Variants in ALS2 observed in about 807,000 individuals in gnomAD.
ALS2 encodes the protein alsin.
A neutral mutation model predicts 203.4 loss-of-function variants in ALS2; 117 were observed. That is an observed-to-expected ratio of 0.58 (90% CI 0.50 to 0.67). The LOEUF (loss-of-function observed/expected upper bound fraction) is 0.67, where lower values mean the gene tolerates loss of function less well. Ranked by LOEUF, ALS2 falls within the 30% of genes least tolerant of loss-of-function variation. The pLI, the probability that ALS2 is intolerant of heterozygous loss-of-function variation, is 0.00. For synonymous variants in ALS2, 718 were observed against 725.9 expected, an observed-to-expected ratio of 0.99 and a Z score of 0.17; for missense variants, 1,715 against 1,989.4, an observed-to-expected ratio of 0.86 and a Z score of 2.62.
At chr2:201,759,404 T>C (rs549687924) in intron 4 of ALS2, 2 of 956,476 alleles carry the variant, frequency 2.1e-6, no homozygotes, top group South Asian at 9.7e-5. Context: ...AGCTGTATGA[T>C]TGAGATGTTA....
intron 19 of ALS2, 152 bp downstream of exon 19, chr2:201,726,332 C>T: frequency 1.3e-6 from 1 of 759,342 alleles, no homozygotes; most frequent in Non-Finnish European, 2.3e-6. Flanking sequence ...ACCCCTCACT[C>T]CTGGCTCTCT....
chr2:201,766,938 G>A (rs1295857537), intron 3 of ALS2, among the ~76,000 whole-genome samples: 1 of 147,074 alleles, frequency 6.8e-6, no homozygotes, highest in Non-Finnish European at 1.5e-5. Context: ...ACTGGGGCCT[G>A]TTGTGGGGTG....
intron 1 of ALS2, among the ~76,000 whole-genome samples, chr2:201,770,952 T>G (rs1378331971): frequency 6.6e-6 from 1 of 152,196 alleles, no homozygotes; most frequent in African/African-American, 2.4e-5. Context: ...TGTGTTATTT[T>G]AAGCCACTAA....
At chr2:201,722,946 G>A in intron 23 of ALS2, 97 bp downstream of exon 23, 1 of 986,446 alleles carries the variant, frequency 1.0e-6, no homozygotes, top group Non-Finnish European at 1.5e-6. Flanking sequence ...CTTGAAAGGG[G>A]TGAATTTTAT....
Position 201,715,680 on chromosome 2 carries a change from G to T in ALS2, c.3996C>A (p.His1332Gln), listed in dbSNP as rs1311121583. The part of the protein sequence containing the change: ...AVALTTSRRQ[H>Q]RDSPEILSRS... ...AGCAGGTGTTCACTCACCTGTCTCT[G>T]TGCTGGCGCCGACTGGTGGTCAAGG... The change falls in exon 25 of 34, where the codon CAC (histidine) becomes CAA (glutamine). Residue 1332 changes from histidine (H) to glutamine (Q), a missense_variant. Physicochemically the swap from His to Gln is conservative, Grantham distance 24. This residue lies in a region of ALS2 where 1,227 missense variants were observed against 1,413.5 expected (regional missense o/e 0.87). Coordinates refer to ENST00000264276, the MANE Select transcript of ALS2 (RefSeq NM_020919.4). 1 of 1,614,172 alleles carries T rather than the reference G, an allele frequency of 6.2e-7. No individual in the cohort carries two copies. The highest frequency in any genetic ancestry group is 2.2e-5 in the East Asian group (1 of 44,866).
At chr2:201,758,457 T>G (rs1477088985) in intron 4 of ALS2, among the ~76,000 whole-genome samples, 1 of 152,138 alleles carries the variant, frequency 6.6e-6, no homozygotes, top group Non-Finnish European at 1.5e-5. Context: ...GGTTAATAAT[T>G]AAACATTTGG....
chr2:201,724,638 T>C (rs1000785528), intron 20 of ALS2, among the ~76,000 whole-genome samples, 179 bp from the exon 21 acceptor site: 12 of 152,182 alleles, frequency 7.9e-5, no homozygotes, highest in Non-Finnish European at 1.6e-4. Context: ...AGTTAAAAAG[T>C]TAAAGACACC....
At position 201,761,049 on chromosome 2, in the gene ALS2, G is replaced by T. The variant is rs770056959; in HGVS notation, c.945C>A (p.Ser315Arg). 6.2e-7 allele frequency: 1 copy of T among 1,614,142 alleles called. No individual in the cohort carries two copies. Among genetic ancestry groups the T allele is most frequent in the African/African-American group, 1.3e-5 (1 of 75,024 alleles). Reference sequence around the variant, plus strand: ...CATTTTGTTGAGAGGACATGGCATCGCTGCTTGTGATCTGAGCACTTACTG... The same window carrying T: ...CATTTTGTTGAGAGGACATGGCATCTCTGCTTGTGATCTGAGCACTTACTG... ...LNAVSAQITS[S>R]DAMSSQQNVM... The change falls in exon 4 of 34, where the codon AGC becomes AGA. Residue 315 changes from serine to arginine, a missense_variant. Around this residue, in one of 3 missense-constraint regions of ALS2, gnomAD observed 476 missense variants for 539.3 expected, o/e 0.88. Coordinates refer to ENST00000264276, the MANE Select transcript of ALS2 (RefSeq NM_020919.4).
intron 21 of ALS2, among the ~76,000 whole-genome samples, chr2:201,724,074 C>T (rs374355924): frequency 7.1e-4 from 108 of 152,150 alleles, no homozygotes; most frequent in African/African-American, 2.5e-3. Flanking sequence ...GCTGAGATCG[C>T]ACCACTCCAG....
intron 25 of ALS2, among the ~76,000 whole-genome samples, chr2:201,712,753 GAAAA>G (rs372321027): frequency 1.1e-5 from 1 of 90,686 alleles, no homozygotes; most frequent in African/African-American, 3.4e-5. Flanking sequence ...CAGGAGAAAA[GAAAA>G]AAAAAAAGAA....
rs779339166 is a variant in ALS2 at position 201,724,418 on chromosome 2, T to G, written c.3389A>C (p.Asn1130Thr). Reference sequence around the variant, plus strand: ...TAGAAGACCATGACCATGACGCATATTATCTTGAAAACAGCCCTCAAATAC... The same window carrying G: ...TAGAAGACCATGACCATGACGCATAGTATCTTGAAAACAGCCCTCAAATAC... ...GEVFEGCFQD[N>T]MRHGHGLLRS... Residue 1130 changes from asparagine (N) to threonine (T), a missense_variant, in exon 21 of 34, where the codon AAT becomes ACT. This residue lies in a region of ALS2 where 1,227 missense variants were observed against 1,413.5 expected (regional missense o/e 0.87). Coordinates refer to ENST00000264276, the MANE Select transcript of ALS2 (RefSeq NM_020919.4). The G allele has an allele frequency of 6.2e-7, 1 of 1,614,056 alleles. No individual in the cohort carries two copies. The highest frequency in any genetic ancestry group is 1.7e-5 in the Admixed American group (1 of 60,018).
In ALS2 at chr2:201,761,110, A is replaced by G. The variant is rs762475132; in HGVS notation, c.884T>C (p.Val295Ala). The change falls in exon 4 of 34, where the codon GTA becomes GCA. Residue 295 changes from valine to alanine, a missense_variant. By Grantham distance (64) the Val-to-Ala change is moderately conservative (BLOSUM62 0). This residue lies in a region of ALS2 where 476 missense variants were observed against 539.3 expected (regional missense o/e 0.88). Transcript: ENST00000264276. Reference sequence around the variant, plus strand: ...AGTAGCAACAGACTGATCATTTGCTACAAGAGTGTTCTCAAATACTTCTTC... The same window carrying G: ...AGTAGCAACAGACTGATCATTTGCTGCAAGAGTGTTCTCAAATACTTCTTC... Reference protein sequence around the residue: ...RQEEVFENTLVANDQSVATEL... With the variant: ...RQEEVFENTLAANDQSVATEL... 3 of 1,614,114 alleles carry G rather than the reference A, an allele frequency of 1.9e-6. No individual in the cohort carries two copies. The highest frequency in any genetic ancestry group is 2.7e-5 in the African/African-American group (2 of 74,930).
chr2:201,744,207 G>C (rs376815789), intron 10 of ALS2, 51 bp downstream of exon 10: 1 of 1,551,640 alleles, frequency 6.4e-7, no homozygotes, highest in African/African-American at 1.4e-5. Context: ...ATAGGAAGAA[G>C]AGATAAAGAC....
At chr2:201,772,663 T>A (rs1026607136) in intron 1 of ALS2, among the ~76,000 whole-genome samples, 2 of 151,916 alleles carry the variant, frequency 1.3e-5, no homozygotes, top group South Asian at 4.2e-4. Context: ...GCCCCAAGGG[T>A]TTTGAATAAA....
intron 3 of ALS2, among the ~76,000 whole-genome samples, chr2:201,765,995 G>A (rs1434789533): frequency 2.0e-5 from 3 of 152,092 alleles, no homozygotes; most frequent in Non-Finnish European, 4.4e-5. Flanking sequence ...AATAATAGAA[G>A]CTACCTCATA....
chr2:201,778,109 T>C (rs1049258933), intron 1 of ALS2, among the ~76,000 whole-genome samples: 2 of 152,108 alleles, frequency 1.3e-5, no homozygotes, highest in African/African-American at 4.8e-5. Context: ...CTGGAGTGAA[T>C]GTTAGCCCAC....
intron 33 of ALS2, among the ~76,000 whole-genome samples, chr2:201,703,019 G>A (rs191321112): frequency 3.7e-4 from 57 of 152,262 alleles, no homozygotes; most frequent in Non-Finnish European, 6.6e-4. Context: ...GGGAGGCTGA[G>A]GCAGCAGAAT....
intron 8 of ALS2, among the ~76,000 whole-genome samples, chr2:201,748,114 C>T (rs1335744639): frequency 6.6e-6 from 1 of 152,132 alleles, no homozygotes; most frequent in Admixed American, 6.5e-5. Flanking sequence ...ATAGTTTCAG[C>T]ACTGACTCCT....
Position 201,738,656 on chromosome 2 carries a change from G to C in ALS2, c.2417+14C>G. The C allele has an allele frequency of 6.2e-7, 1 of 1,611,106 alleles. No individual in the cohort carries two copies. Among genetic ancestry groups the C allele is most frequent in the South Asian group, 1.1e-5 (1 of 91,016 alleles). On this transcript the variant is annotated intron_variant, in intron 12 of 33. Transcript: ENST00000264276. ...GCGGAGAGAATGATAACTGGAAGGT[G>C]TGGGTTTGCTTACATGGCAGGCTTA...
Sources: allele counts gnomAD v4.1 joint callset (sites outside exome capture counted in the v4.1 genomes callset), GRCh38; gene constraint gnomAD v4.1.1; regional missense constraint gnomAD v4.1.1; transcripts MANE v1.5; gene names NCBI Gene and HGNC (gene_info 2026-07-23, HGNC 2026-07-21).